BATF3: variants seen among roughly 807,000 people sequenced by gnomAD.
BATF3 encodes basic leucine zipper ATF-like transcription factor 3, also known as basic leucine zipper transcriptional factor ATF-like 3.
A neutral mutation model predicts 16.1 loss-of-function variants in BATF3; 8 were observed. The ratio of observed to expected loss-of-function variants is 0.50; its 90% CI spans 0.29 to 0.90. The LOEUF (loss-of-function observed/expected upper bound fraction) is 0.90. Ranked by LOEUF, BATF3 falls within the 40% of genes least tolerant of loss-of-function variation. The pLI, the probability that BATF3 is intolerant of heterozygous loss-of-function variation, is 0.08. For missense variants in BATF3, 139 were observed against 167.0 expected, an observed-to-expected ratio of 0.83 and a Z score of 0.92; for synonymous variants, 74 against 72.7, an observed-to-expected ratio of 1.02 and a Z score of -0.09.
chr1:212,693,060 G>A (rs1305690449), intron 2 of BATF3, among the ~76,000 whole-genome samples: 1 of 152,190 alleles, frequency 6.6e-6, no homozygotes, highest in Non-Finnish European at 1.5e-5. Flanking sequence ...GGGGCTTTCT[G>A]TCATGGCCCG....
chr1:212,688,956 A>G (rs546359426), intron 2 of BATF3, among the ~76,000 whole-genome samples: 9 of 152,252 alleles, frequency 5.9e-5, no homozygotes, highest in African/African-American at 2.2e-4. Context: ...GCAAATTCTC[A>G]ACCCTGCCCC....
intron 2 of BATF3, among the ~76,000 whole-genome samples, chr1:212,688,035 G>A (rs1416534993): frequency 2.6e-5 from 3 of 117,364 alleles, no homozygotes; most frequent in East Asian, 4.6e-4. Flanking sequence ...AAGGAAGGAA[G>A]GAAGGAGAGA....
At chr1:212,691,565 C>T (rs749312342) in intron 2 of BATF3, among the ~76,000 whole-genome samples, 9 of 152,216 alleles carry the variant, frequency 5.9e-5, no homozygotes, top group Non-Finnish European at 1.0e-4. Flanking sequence ...AAGGGCTGTA[C>T]AAATGAGTGC....
intron 2 of BATF3, among the ~76,000 whole-genome samples, chr1:212,688,729 C>A (rs1237852108): frequency 1.3e-5 from 2 of 152,186 alleles, no homozygotes; most frequent in Non-Finnish European, 2.9e-5. Flanking sequence ...CTACGGCATG[C>A]CAATAGAGAC....
chr1:212,699,675 G>C lies in BATF3; in HGVS notation c.88C>G (p.Gln30Glu). 7.5e-7 allele frequency: 1 copy of C among 1,338,800 alleles called. No homozygotes were observed. Among genetic ancestry groups the C allele is most frequent in the East Asian group, 3.1e-5 (1 of 32,002 alleles). The allele number at this position is 1,338,800 out of a possible 1,614,324, so 82.9% of individuals were successfully genotyped here. ...TCCCTGAGCCTCTCGCCCTCTACCT[G>C]CTGCTGCGGCTGCGGCTGCGGCTGG... ...GNQPQPQPQQ[Q>E]SPEDDDRKVR... The change falls in exon 1 of 3, where the codon CAG becomes GAG. Residue 30 changes from glutamine (Q) to glutamate (E), a missense_variant and splice_region_variant. Transcript: ENST00000243440. This position sits in a 1 kb window ranked among gnomAD's most constrained non-coding sequence, Gnocchi z 4.4.
intron 2 of BATF3, among the ~76,000 whole-genome samples, chr1:212,694,473 T>G (rs1401649528): frequency 6.6e-6 from 1 of 152,202 alleles, no homozygotes. Flanking sequence ...TCTACTCGAC[T>G]GTGCTCCATG....
intron 2 of BATF3, 110 bp from the exon 3 acceptor site, chr1:212,687,089 G>A: frequency 2.8e-6 from 2 of 726,152 alleles, no homozygotes; most frequent in South Asian, 3.1e-5. Context: ...CATTACGCAT[G>A]TCCCCTCCAC....
rs550920477 is a variant in BATF3, at chr1:212,691,110, C to T, written c.196-4131G>A. On this transcript the variant is annotated intron_variant, in intron 2 of 2. Coordinates refer to ENST00000243440, the MANE Select transcript of BATF3 (RefSeq NM_018664.3). ...AAACCCTGTTCTGGGCATCTAGGAG[C>T]AGGTGACTGGGATCAACGGGCTGCC... Among the ~76,000 whole-genome samples, 3 of 152,278 alleles carry T rather than the reference C, an allele frequency of 2.0e-5. No individual in the cohort carries two copies. The East Asian group carries it at 5.8e-4, about 29-fold the overall frequency.
chr1:212,699,518 A>C lies in BATF3; in HGVS notation c.90+155T>G. ...CCCTGGATCGCCCCCATTCCCCAAC[A>C]TCCCTACGCCCCTACCTCTGCTTGT... is the stretch of plus-strand genomic sequence containing the variant. On this transcript the variant is annotated intron_variant, in intron 1 of 2. Coordinates refer to ENST00000243440, the MANE Select transcript of BATF3 (RefSeq NM_018664.3). This position sits in a 1 kb window ranked among gnomAD's most constrained non-coding sequence, Gnocchi z 4.4. Among the ~76,000 whole-genome samples the C allele has an allele frequency of 6.6e-6, 1 of 151,254 alleles. No individual in the cohort carries two copies. Among genetic ancestry groups the C allele is most frequent in the Non-Finnish European group, 1.5e-5 (1 of 67,754 alleles).
At position 212,686,688 on chromosome 1, in the gene BATF3, C is replaced by T. The variant is rs973838053; in HGVS notation, c.*103G>A. 12 of 1,450,970 alleles carry T rather than the reference C, an allele frequency of 8.3e-6. No individual in the cohort carries two copies. The highest frequency in any genetic ancestry group is 9.1e-6 in the Non-Finnish European group (10 of 1,100,852). The allele number at this position is 1,450,970 out of a possible 1,614,324, so 89.9% of individuals were successfully genotyped here. On this transcript the variant is annotated 3_prime_UTR_variant, in exon 3 of 3. Coordinates refer to ENST00000243440, the MANE Select transcript of BATF3 (RefSeq NM_018664.3). ...TGGTCCTGGAGCTCCCAGGAGGAGG[C>T]CTGGCCACAGGTGCCCCCTGTATAC...
rs186788742 is a variant in BATF3, at chr1:212,696,828, G to A, written c.195+133C>T. 323 of 693,872 alleles carry A rather than the reference G, an allele frequency of 4.7e-4. 1 individual carries two copies. In the African/African-American group the frequency reaches 4.7e-3, roughly 10 times the overall value. 43.0% of individuals were successfully genotyped at this position (693,872 alleles called of 1,614,324 possible). A position where few individuals can be genotyped will look rare whatever the true frequency, so the allele number is the denominator to read the frequency against. ...CGTGAGCAAACAGTGAGAACACTGGGCTGGAAGGACCTGGCAGAAATTAGA... is the reference window on the plus strand; with the variant it reads ...CGTGAGCAAACAGTGAGAACACTGGACTGGAAGGACCTGGCAGAAATTAGA... On this transcript the variant is annotated intron_variant, in intron 2 of 2. Coordinates refer to ENST00000243440, the MANE Select transcript of BATF3 (RefSeq NM_018664.3).
Position 212,686,857 on chromosome 1 carries a change from G to C in BATF3, c.318C>G (p.Leu106=). The C allele has an allele frequency of 6.2e-7, 1 of 1,614,240 alleles. No homozygotes were observed. Among genetic ancestry groups the C allele is most frequent in the South Asian group, 1.1e-5 (1 of 91,090 alleles). Residue 106 remains leucine, a synonymous_variant, in exon 3 of 3, where the codon CTC becomes CTG. Coordinates refer to ENST00000243440, the MANE Select transcript of BATF3 (RefSeq NM_018664.3). The stretch of plus-strand genomic sequence containing the variant: ...GCACTGGCACAAAGTTCATAGGGCA[G>C]AGCAGCAGCGGGCACATCTTCTCGT... The part of the protein sequence containing the change: ...KEHEKMCPLL[L]CPMNFVPVPP...
At chr1:212,697,720 T>C (rs976249678) in intron 1 of BATF3, 1 of 152,270 alleles carries the variant, frequency 6.6e-6, no homozygotes, top group African/African-American at 2.4e-5. Flanking sequence ...TCTTGAAAGC[T>C]GTTAGCTATA....
rs369891184 is a variant in BATF3 at position 212,687,504 on chromosome 1, T to G, written c.196-525A>C. On this transcript the variant is annotated intron_variant, in intron 2 of 2. Transcript: ENST00000243440. Reference sequence around the variant, plus strand: ...CTCTCCATCAGGGTTTACAGAGGCGTAGAACTGCAGGGTATCAGAGAGGTC... The same window carrying G: ...CTCTCCATCAGGGTTTACAGAGGCGGAGAACTGCAGGGTATCAGAGAGGTC... 2.1e-4 allele frequency: 34 copies of G among 159,876 alleles called. No homozygotes were observed. In the South Asian group the frequency reaches 6.0e-3, roughly 28 times the overall value. The allele number at this position is 159,876 out of a possible 1,614,324, so 9.9% of individuals were successfully genotyped here.
intron 1 of BATF3, 53 bp from the exon 2 acceptor site, chr1:212,697,118 T>C: frequency 2.1e-6 from 3 of 1,413,222 alleles, no homozygotes; most frequent in Non-Finnish European, 3.0e-6. Context: ...CCTTACCCTT[T>C]TCTGCCCTGT....
In BATF3 at chr1:212,699,811, G is replaced by A; in HGVS notation, c.-49C>T. ...CCGCCCCGCCCCGCCCGCGCGCCCT[G>A]CCCGTGGGGCTGCCTACGGGCGCTG... On this transcript the variant is annotated 5_prime_UTR_variant, in exon 1 of 3. Transcript: ENST00000243440. This position sits in a 1 kb window ranked among gnomAD's most constrained non-coding sequence, Gnocchi z 4.4. 1 of 992,378 alleles carries A rather than the reference G, an allele frequency of 1.0e-6. No individual in the cohort carries two copies. The highest frequency in any genetic ancestry group is 1.2e-6 in the Non-Finnish European group (1 of 846,986). The allele number at this position is 992,378 out of a possible 1,614,324, so 61.5% of individuals were successfully genotyped here.
intron 2 of BATF3, among the ~76,000 whole-genome samples, 154 bp downstream of exon 2, chr1:212,696,807 A>G (rs901483831): frequency 6.6e-6 from 1 of 152,198 alleles, no homozygotes; most frequent in Non-Finnish European, 1.5e-5. Context: ...CACGTCCGTG[A>G]GCAAACAGTG....
At chr1:212,692,218 C>T (rs893588264) in intron 2 of BATF3, among the ~76,000 whole-genome samples, 3 of 152,162 alleles carry the variant, frequency 2.0e-5, no homozygotes, top group Admixed American at 6.5e-5. Flanking sequence ...CTAAGAGCTG[C>T]AGCTGGGGCA....
At chr1:212,695,178 C>T (rs978252181) in intron 2 of BATF3, among the ~76,000 whole-genome samples, 7 of 152,138 alleles carry the variant, frequency 4.6e-5, no homozygotes, top group South Asian at 4.1e-4. Flanking sequence ...CTCTGGGCAA[C>T]GTGGCAAAAC....
Sources: gnomAD v4.1 joint callset for allele counts (sites outside exome capture counted in the v4.1 genomes callset) on GRCh38, gnomAD v4.1.1 for gene constraint, Gnocchi (gnomAD v3.1) non-coding constraint, MANE v1.5 for transcripts, NCBI Gene and HGNC (gene_info 2026-07-23, HGNC 2026-07-21) for gene names.